The following OLFM2 variants were observed in gnomAD, a reference collection of about 807,000 sequenced individuals.
OLFM2 encodes the protein noelin-2.
OLFM2 carries 20 observed loss-of-function variants against 43.9 expected under a neutral mutation model. The ratio of observed to expected loss-of-function variants is 0.46; its 90% CI spans 0.32 to 0.66. The LOEUF is 0.66. Ranked by LOEUF, OLFM2 falls within the 30% of genes least tolerant of loss-of-function variation. The probability of loss-of-function intolerance (pLI) is 0.04; values close to 1 mark genes in which losing one functional copy is unlikely to be tolerated. For missense variants in OLFM2, 416 were observed against 643.6 expected (o/e 0.65, Z 3.83); for synonymous variants, 268 against 278.6 (o/e 0.96, Z 0.38).
intron 1 of OLFM2, among the ~76,000 whole-genome samples, chr19:9,932,742 G>A (rs774321719): frequency 1.6e-4 from 24 of 152,128 alleles, no homozygotes; most frequent in Non-Finnish European, 3.1e-4. Context: ...CCCAGATAGT[G>A]CCAACGATGT....
chr19:9,929,187 A>G (rs1470931939), intron 1 of OLFM2, among the ~76,000 whole-genome samples: 1 of 152,108 alleles, frequency 6.6e-6, no homozygotes, highest in Non-Finnish European at 1.5e-5. Flanking sequence ...GCCAGACTCA[A>G]CTCCTCCAGA....
chr19:9,904,331 T>A (rs1483361508), intron 1 of OLFM2, among the ~76,000 whole-genome samples: 1 of 152,020 alleles, frequency 6.6e-6, no homozygotes, highest in East Asian at 2.0e-4. Flanking sequence ...GCTGGGATTA[T>A]AGGCATGTAC....
chr19:9,907,959 C>T (rs1461248477), intron 1 of OLFM2, among the ~76,000 whole-genome samples: 4 of 151,576 alleles, frequency 2.6e-5, no homozygotes, highest in Non-Finnish European at 4.4e-5. Flanking sequence ...AAGCAAAGAT[C>T]GTGCCACTGC....
At chr19:9,908,101 C>A (rs1322205596) in intron 1 of OLFM2, among the ~76,000 whole-genome samples, 1 of 152,002 alleles carries the variant, frequency 6.6e-6, no homozygotes, top group Non-Finnish European at 1.5e-5. Context: ...CACCTTCCTT[C>A]CCTCACCTCC....
Position 9,862,545 on chromosome 19 carries a change from G to A in OLFM2, c.64-1751C>T, listed in dbSNP as rs913462512. On this transcript the variant is annotated intron_variant, in intron 1 of 5. Transcript: ENST00000264833. Reference sequence around the variant, plus strand: ...AAAAAAAAAAAATTAGCTGGATGTAGTGGCATGCACCTGTGGTCCCAGCTA... The same window carrying A: ...AAAAAAAAAAAATTAGCTGGATGTAATGGCATGCACCTGTGGTCCCAGCTA... Among the ~76,000 whole-genome samples the A allele has an allele frequency of 2.6e-5, 4 of 151,970 alleles. No individual in the cohort carries two copies. In the South Asian group the frequency reaches 6.2e-4, roughly 24 times the overall value.
intron 1 of OLFM2, among the ~76,000 whole-genome samples, chr19:9,927,745 A>G (rs1379358950): frequency 6.6e-6 from 1 of 152,210 alleles, no homozygotes; most frequent in Non-Finnish European, 1.5e-5. Context: ...TGTCTTTCTC[A>G]TAGAAATTAC....
chr19:9,934,376 G>C (rs1027148371), intron 1 of OLFM2, among the ~76,000 whole-genome samples: 1 of 152,004 alleles, frequency 6.6e-6, no homozygotes, highest in Non-Finnish European at 1.5e-5. Context: ...CACTGACCTC[G>C]TTAGTCCCGC....
At chr19:9,915,503 T>A (rs201325245) in intron 1 of OLFM2, among the ~76,000 whole-genome samples, 92 of 58,180 alleles carry the variant, frequency 1.6e-3, no homozygotes, top group East Asian at 0.011. Context: ...CTTTTTTATT[T>A]ATTTATTTAT....
At chr19:9,922,077 GA>G (rs2086424981) in intron 1 of OLFM2, among the ~76,000 whole-genome samples, 1 of 148,870 alleles carries the variant, frequency 6.7e-6, no homozygotes, top group East Asian at 2.0e-4. Context: ...CTGGGCAACA[GA>G]GTGAGACCCT....
chr19:9,905,444 G>A (rs2046777618), intron 1 of OLFM2, among the ~76,000 whole-genome samples: 1 of 151,748 alleles, frequency 6.6e-6, no homozygotes, highest in Non-Finnish European at 1.5e-5. Flanking sequence ...GCAACAGAGC[G>A]AGACTCCATC....
intron 1 of OLFM2, among the ~76,000 whole-genome samples, chr19:9,886,702 G>A (rs1012528521): frequency 4.0e-5 from 6 of 151,274 alleles, no homozygotes; most frequent in African/African-American, 1.2e-4. Context: ...GCATTTTTCC[G>A]CACCTTACAT....
chr19:9,895,125 A>T (rs913065121), intron 1 of OLFM2, among the ~76,000 whole-genome samples: 1 of 152,086 alleles, frequency 6.6e-6, no homozygotes, highest in African/African-American at 2.4e-5. Flanking sequence ...TAACTCCTAG[A>T]TAGCTTTAGA....
chr19:9,902,548 A>G (rs1262089629), intron 1 of OLFM2, among the ~76,000 whole-genome samples: 3 of 151,706 alleles, frequency 2.0e-5, no homozygotes, highest in African/African-American at 4.8e-5. Context: ...GTGCCTGGCT[A>G]ATTTTTATAT....
intron 1 of OLFM2, among the ~76,000 whole-genome samples, chr19:9,867,992 C>T (rs1402614536): frequency 6.6e-6 from 1 of 151,866 alleles, no homozygotes; most frequent in African/African-American, 2.4e-5. Flanking sequence ...GCCTTGATGT[C>T]CAAAGGCTCA....
intron 1 of OLFM2, 30 bp downstream of exon 1, chr19:9,936,274 C>A: frequency 6.5e-7 from 1 of 1,527,592 alleles, no homozygotes; most frequent in East Asian, 2.5e-5. Context: ...CGGAGCCACC[C>A]GCGCCCGCAC....
At chr19:9,914,641 C>T (rs1192896563) in intron 1 of OLFM2, among the ~76,000 whole-genome samples, 1 of 151,930 alleles carries the variant, frequency 6.6e-6, no homozygotes, top group Non-Finnish European at 1.5e-5. Context: ...ACTCACGCTT[C>T]GGACCTTCCT....
chr19:9,894,166 G>A (rs985255572), intron 1 of OLFM2, among the ~76,000 whole-genome samples: 10 of 151,896 alleles, frequency 6.6e-5, no homozygotes, highest in African/African-American at 1.7e-4. Context: ...GGTGGCGCAC[G>A]CCTGTAATCC....
chr19:9,871,487 C>T (rs1212764596), intron 1 of OLFM2, among the ~76,000 whole-genome samples: 1 of 151,228 alleles, frequency 6.6e-6, no homozygotes, highest in Non-Finnish European at 1.5e-5. Context: ...GCAGGAGACT[C>T]GCTTGAACCC....
chr19:9,860,072 G>A (rs1262421544), intron 2 of OLFM2, among the ~76,000 whole-genome samples: 1 of 151,952 alleles, frequency 6.6e-6, no homozygotes, highest in East Asian at 1.9e-4. Context: ...AACCTGGGAG[G>A]TGGAGGTTGC....
Sources: allele counts gnomAD v4.1 joint callset (sites outside exome capture counted in the v4.1 genomes callset), GRCh38; gene constraint gnomAD v4.1.1; transcripts MANE v1.5; gene names NCBI Gene and HGNC (gene_info 2026-07-23, HGNC 2026-07-21).